Variants in METTL15 observed in about 807,000 individuals in gnomAD.
The protein encoded by METTL15 is methyltransferase 15, mitochondrial 12S rRNA N4-cytidine, also known as 12S rRNA N(4)-cytidine methyltransferase METTL15.
METTL15 carries 34 observed loss-of-function variants against 38.3 expected under a neutral mutation model. The observed-to-expected ratio is 0.89, with a 90% CI of 0.68 to 1.18. The LOEUF is 1.18. Among genes scored for constraint, METTL15 ranks in the 50% most tolerant of loss-of-function variants. The pLI is 0.00. For missense variants in METTL15, 438 were observed against 498.4 expected (o/e 0.88, Z 1.15); for synonymous variants, 162 against 170.9 (o/e 0.95, Z 0.41).
chr11:28,373,230 C>A (rs1180456310), intron 5 of METTL15, among the ~76,000 whole-genome samples: 5 of 152,038 alleles, frequency 3.3e-5, no homozygotes, highest in African/African-American at 1.2e-4. Flanking sequence ...AGTTTACAGT[C>A]CCACCAACAG....
chr11:28,203,885 A>G (rs1852209100), intron 3 of METTL15, among the ~76,000 whole-genome samples: 1 of 152,094 alleles, frequency 6.6e-6, no homozygotes, highest in Non-Finnish European at 1.5e-5. Flanking sequence ...TTTGTGTTCT[A>G]GGAGAGATCT....
chr11:28,124,464 A>G (rs976801818), intron 3 of METTL15, among the ~76,000 whole-genome samples: 5 of 152,084 alleles, frequency 3.3e-5, no homozygotes, highest in African/African-American at 1.2e-4. Flanking sequence ...TCTCAGATTG[A>G]TCTCTCACTC....
At chr11:28,279,464 C>T (rs143998156) in intron 4 of METTL15, among the ~76,000 whole-genome samples, 1 of 152,176 alleles carries the variant, frequency 6.6e-6, no homozygotes, top group Admixed American at 6.5e-5. Context: ...ATTTGTTCAA[C>T]CTATTCTATG....
chr11:28,532,091 T>G, the METTL15 span, among the ~76,000 whole-genome samples: 1 of 152,146 alleles, frequency 6.6e-6, no homozygotes, highest in Non-Finnish European at 1.5e-5. Flanking sequence ...ACCACCATCA[T>G]CAGCATCAGC....
intron 4 of METTL15, among the ~76,000 whole-genome samples, chr11:28,266,074 G>A (rs1855404193): frequency 1.3e-5 from 2 of 152,156 alleles, no homozygotes; most frequent in South Asian, 2.1e-4. Context: ...TGCTGGAGAG[G>A]ATGTGGAGAA....
intron 6 of METTL15, among the ~76,000 whole-genome samples, chr11:28,301,790 A>G (rs1856922334): frequency 6.6e-6 from 1 of 152,188 alleles, no homozygotes; most frequent in African/African-American, 2.4e-5. Flanking sequence ...GTTCTAGACT[A>G]TAAACATCAA....
intron 4 of METTL15, among the ~76,000 whole-genome samples, chr11:28,223,523 A>G (rs1239919877): frequency 1.5e-4 from 23 of 152,170 alleles, no homozygotes. Flanking sequence ...ACAGAATGAA[A>G]CAGTTTGTCA....
At chr11:28,309,227 G>A (rs1857189272) in intron 6 of METTL15, among the ~76,000 whole-genome samples, 1 of 152,156 alleles carries the variant, frequency 6.6e-6, no homozygotes, top group African/African-American at 2.4e-5. Flanking sequence ...CCATTTGGTT[G>A]CTGCCAACTA....
At chr11:28,319,622 T>C (rs986098687) in intron 6 of METTL15, among the ~76,000 whole-genome samples, 1 of 152,126 alleles carries the variant, frequency 6.6e-6, no homozygotes, top group Non-Finnish European at 1.5e-5. Flanking sequence ...TTCATACTTC[T>C]CAGAATTTTT....
chr11:28,500,248 T>C (rs1350324334), intron 6 of METTL15, among the ~76,000 whole-genome samples: 3 of 152,204 alleles, frequency 2.0e-5, no homozygotes, highest in African/African-American at 7.2e-5. Context: ...TCTTCTGATC[T>C]TGGTTTCAAG....
At chr11:28,428,387 A>G (rs953595587) in intron 6 of METTL15, among the ~76,000 whole-genome samples, 2 of 152,180 alleles carry the variant, frequency 1.3e-5, no homozygotes, top group African/African-American at 4.8e-5. Context: ...GTCGACCAAA[A>G]TGTTATTTAG....
chr11:28,298,356 G>C (rs996153729), intron 6 of METTL15, among the ~76,000 whole-genome samples: 1 of 152,006 alleles, frequency 6.6e-6, no homozygotes, highest in Admixed American at 6.6e-5. Context: ...ATCTAAAATT[G>C]GTGCTGAAAA....
At chr11:28,374,009 T>C (rs1590349761) in intron 5 of METTL15, among the ~76,000 whole-genome samples, 2 of 152,186 alleles carry the variant, frequency 1.3e-5, no homozygotes, top group East Asian at 3.8e-4. Flanking sequence ...GGCTCTGTTC[T>C]GTTCCATTGA....
intron 3 of METTL15, among the ~76,000 whole-genome samples, chr11:28,197,928 A>T (rs895340572): frequency 6.6e-6 from 1 of 152,130 alleles, no homozygotes; most frequent in Non-Finnish European, 1.5e-5. Context: ...GTGCCAAAAA[A>T]GATTTTTTTG....
At chr11:28,147,202 C>G (rs1298143390) in intron 3 of METTL15, among the ~76,000 whole-genome samples, 3 of 151,718 alleles carry the variant, frequency 2.0e-5, no homozygotes, top group Non-Finnish European at 3.0e-5. Flanking sequence ...AATTATTTAC[C>G]TATAATCAAA....
chr11:28,189,019 G>A (rs979946569), intron 3 of METTL15, among the ~76,000 whole-genome samples: 1 of 151,152 alleles, frequency 6.6e-6, no homozygotes, highest in Non-Finnish European at 1.5e-5. Flanking sequence ...GTGTGATGTA[G>A]GTGTGTAGCT....
chr11:28,279,803 G>A (rs970520354), intron 4 of METTL15, among the ~76,000 whole-genome samples: 5 of 151,906 alleles, frequency 3.3e-5, no homozygotes, highest in African/African-American at 1.2e-4. Context: ...GGAGGCTGAG[G>A]CAGGAGAATC....
At chr11:28,467,622 A>T (rs1184238849) in intron 6 of METTL15, among the ~76,000 whole-genome samples, 1 of 151,910 alleles carries the variant, frequency 6.6e-6, no homozygotes, top group African/African-American at 2.4e-5. Context: ...CTTCCCTCCC[A>T]TTTGCCACTT....
chr11:28,215,126 A>G (rs1171660425), intron 4 of METTL15, among the ~76,000 whole-genome samples: 1 of 152,210 alleles, frequency 6.6e-6, no homozygotes, highest in Non-Finnish European at 1.5e-5. Context: ...TATATGGTCT[A>G]ATGCTAACTG....
Sources: gnomAD v4.1 joint callset for allele counts (sites outside exome capture counted in the v4.1 genomes callset) on GRCh38, gnomAD v4.1.1 for gene constraint, MANE v1.5 for transcripts, NCBI Gene and HGNC (gene_info 2026-07-23, HGNC 2026-07-21) for gene names.